The following SNX18 variants were observed in gnomAD, a reference collection of about 807,000 sequenced individuals.
SNX18 encodes the protein sorting nexin-18.
SNX18 carries 35 observed loss-of-function variants against 48.7 expected under a neutral mutation model. The observed-to-expected ratio is 0.72, with a 90% confidence interval of 0.55 to 0.95. SNX18 has a LOEUF of 0.95. SNX18 is among the 40% of genes least tolerant of loss of function. The probability of loss-of-function intolerance (pLI) is 0.00; values close to 1 mark genes in which losing one functional copy is unlikely to be tolerated. For missense variants in SNX18, 824 were observed against 871.0 expected (o/e 0.95, Z 0.68); for synonymous variants, 492 against 384.7 (o/e 1.28, Z -3.26).
At chr5:54,613,973 G>C in the SNX18 span, among the ~76,000 whole-genome samples, 2 of 152,216 alleles carry the variant, frequency 1.3e-5, no homozygotes, top group African/African-American at 4.8e-5. Flanking sequence ...TGGGATTATA[G>C]GCGTGAGCCA....
chr5:54,621,129 C>T, the SNX18 span, among the ~76,000 whole-genome samples: 1 of 152,174 alleles, frequency 6.6e-6, no homozygotes, highest in Non-Finnish European at 1.5e-5. Flanking sequence ...TGTGACTGTT[C>T]ATCACACTAA....
the SNX18 span, among the ~76,000 whole-genome samples, chr5:54,578,562 A>T: frequency 7.2e-5 from 11 of 152,216 alleles, no homozygotes; most frequent in African/African-American, 2.7e-4. Context: ...GAGGAGCAGA[A>T]GCTGCCTTTG....
chr5:54,580,547 G>T, the SNX18 span, among the ~76,000 whole-genome samples: 17 of 152,010 alleles, frequency 1.1e-4, no homozygotes, highest in Admixed American at 1.1e-3. Context: ...CTAAAGACTG[G>T]GAATATATTT....
the SNX18 span, among the ~76,000 whole-genome samples, chr5:54,565,660 T>G: frequency 6.6e-6 from 1 of 152,212 alleles, no homozygotes; most frequent in Non-Finnish European, 1.5e-5. Flanking sequence ...AGAATATCAT[T>G]TTGTGTAAAT....
the SNX18 span, among the ~76,000 whole-genome samples, chr5:54,573,225 G>A: frequency 6.6e-6 from 1 of 152,082 alleles, no homozygotes; most frequent in Admixed American, 6.6e-5. Context: ...TACAAGCATT[G>A]TAACTAGGGC....
the SNX18 span, among the ~76,000 whole-genome samples, chr5:54,607,858 T>C: frequency 5.3e-5 from 8 of 152,184 alleles, no homozygotes; most frequent in East Asian, 1.4e-3. Context: ...TGCTTGAACC[T>C]GGGAGGCAGA....
In SNX18 at chr5:54,543,534, C is replaced by A; in HGVS notation, c.*102C>A. 1 of 1,415,856 alleles carries A rather than the reference C, an allele frequency of 7.1e-7. No individual in the cohort carries two copies. Among genetic ancestry groups the A allele is most frequent in the Middle Eastern group, 2.6e-4 (1 of 3,894 alleles). 87.7% of individuals were successfully genotyped at this position (1,415,856 alleles called of 1,614,324 possible). On this transcript the variant is annotated 3_prime_UTR_variant, in exon 2 of 2. Transcript: ENST00000381410. ...CTATTGCCAGCTATCAGTGGTGGTA[C>A]AAGGACGGTTTTGTGTTCATCTGAA... is the stretch of plus-strand genomic sequence containing the variant.
chr5:54,641,727 C>T, the SNX18 span, among the ~76,000 whole-genome samples: 6 of 152,134 alleles, frequency 3.9e-5, no homozygotes, highest in Admixed American at 6.5e-5. Context: ...TTGAGGAGGA[C>T]GCTTTGCTAT....
At chr5:54,522,330 T>C (rs765315727) in intron 1 of SNX18, among the ~76,000 whole-genome samples, 4 of 152,320 alleles carry the variant, frequency 2.6e-5, no homozygotes, top group Middle Eastern at 3.4e-3. Context: ...ACTTGAAATA[T>C]GGCTAATGTG....
At chr5:54,588,788 TATG>T in the SNX18 span, among the ~76,000 whole-genome samples, 2 of 152,194 alleles carry the variant, frequency 1.3e-5, no homozygotes, top group African/African-American at 2.4e-5. Context: ...TTTGCAAAGG[TATG>T]ATATCATCAA....
At chr5:54,636,925 A>C in the SNX18 span, among the ~76,000 whole-genome samples, 1 of 152,176 alleles carries the variant, frequency 6.6e-6, no homozygotes, top group Non-Finnish European at 1.5e-5. Context: ...TTTCTTAACC[A>C]CTATGCCATC....
chr5:54,554,441 C>T, the SNX18 span, among the ~76,000 whole-genome samples: 2 of 152,178 alleles, frequency 1.3e-5, no homozygotes, highest in Non-Finnish European at 2.9e-5. Context: ...GGCCTAGCTC[C>T]GCAGGCTGTT....
chr5:54,548,587 A>G (rs552442872), downstream of SNX18, among the ~76,000 whole-genome samples: 3 of 152,320 alleles, frequency 2.0e-5, no homozygotes, highest in South Asian at 4.1e-4. Context: ...CCTCAATTGT[A>G]TGATTGACTG....
chr5:54,568,494 C>T, the SNX18 span, among the ~76,000 whole-genome samples: 1 of 152,136 alleles, frequency 6.6e-6, no homozygotes, highest in African/African-American at 2.4e-5. Context: ...TTGCTCTTTC[C>T]ACCATCTCCC....
Position 54,518,736 on chromosome 5 carries a change from C to A in SNX18, c.784C>A (p.Leu262Met), listed in dbSNP as rs764031987. The change falls in exon 1 of 2, where the codon CTG (leucine) becomes ATG (methionine). Residue 262 changes from leucine to methionine, a missense_variant. Leu to Met is a conservative substitution (Grantham distance 15). Transcript: ENST00000381410. ...VKDGDKLCVV[L>M]GPYGPEWQEN... ...GGACGGGGACAAGCTGTGCGTGGTG[C>A]TGGGGCCCTATGGCCCCGAGTGGCA... 7 of 1,605,542 alleles carry A rather than the reference C, an allele frequency of 4.4e-6. No homozygotes were observed. The East Asian group carries it at 1.1e-4, about 26-fold the overall frequency.
chr5:54,547,450 G>A (rs557194593), downstream of SNX18, among the ~76,000 whole-genome samples: 1 of 152,212 alleles, frequency 6.6e-6, no homozygotes, highest in Non-Finnish European at 1.5e-5. Context: ...CACTGAATGT[G>A]ATTTCTCTGC....
chr5:54,621,509 C>G, the SNX18 span, among the ~76,000 whole-genome samples: 1 of 152,172 alleles, frequency 6.6e-6, no homozygotes, highest in East Asian at 1.9e-4. Context: ...CTTCCCCTAG[C>G]AGATAGGTCT....
chr5:54,586,445 G>GAA, the SNX18 span, among the ~76,000 whole-genome samples: 12 of 151,164 alleles, frequency 7.9e-5, no homozygotes, highest in South Asian at 2.1e-4. Flanking sequence ...AATTTAAAAA[G>GAA]AAAAAAAAAT....
the SNX18 span, among the ~76,000 whole-genome samples, chr5:54,618,446 T>A: frequency 6.6e-6 from 1 of 152,302 alleles, no homozygotes; most frequent in East Asian, 1.9e-4. Context: ...CAGGTCATGG[T>A]CTTTGGGTTC....
Sources: gnomAD v4.1 joint callset for allele counts (sites outside exome capture counted in the v4.1 genomes callset) on GRCh38, gnomAD v4.1.1 for gene constraint, MANE v1.5 for transcripts, NCBI Gene and HGNC (gene_info 2026-07-23, HGNC 2026-07-21) for gene names.